Variants in MALRD1 observed in about 807,000 individuals in gnomAD.
The protein encoded by MALRD1 is MAM and LDL-receptor class A domain-containing protein 1.
MALRD1 carries 247 observed loss-of-function variants against 242.1 expected under a neutral mutation model. The ratio of observed to expected loss-of-function variants is 1.02; its 90% CI spans 0.92 to 1.13. MALRD1 has a LOEUF of 1.13. Ranked by LOEUF, MALRD1 falls within the 50% of genes most tolerant of loss-of-function variation. The pLI is 0.00. For missense variants in MALRD1, 2,989 were observed against 2,533.1 expected, an observed-to-expected ratio of 1.18 and a Z score of -3.86; for synonymous variants, 995 against 866.6, an observed-to-expected ratio of 1.15 and a Z score of -2.60.
chr10:19,149,480 G>C (rs761833488), intron 11 of MALRD1, among the ~76,000 whole-genome samples: 1 of 151,836 alleles, frequency 6.6e-6, no homozygotes, highest in Non-Finnish European at 1.5e-5. Context: ...TGTTAATTAT[G>C]TTCCACTTTT....
chr10:19,291,273 G>A (rs1393569962), intron 21 of MALRD1: 2 of 152,116 alleles, frequency 1.3e-5, no homozygotes, highest in Non-Finnish European at 1.5e-5. Context: ...TTCTAACTCT[G>A]CTCATAGAAC....
At chr10:19,241,695 A>G (rs900290617) in intron 18 of MALRD1, among the ~76,000 whole-genome samples, 20 of 152,108 alleles carry the variant, frequency 1.3e-4, no homozygotes, top group African/African-American at 3.9e-4. Context: ...TTTTATTGCT[A>G]TAAATTTCCC....
intron 36 of MALRD1, among the ~76,000 whole-genome samples, chr10:19,629,652 A>G (rs1839821597): frequency 6.6e-6 from 1 of 152,154 alleles, no homozygotes; most frequent in Non-Finnish European, 1.5e-5. Context: ...ATGTGTGTGC[A>G]TGTGGCCAAC....
rs1352940630 is a variant in MALRD1 at position 19,205,241 on chromosome 10, G to C, written c.2554G>C (p.Asp852His). The change falls in exon 17 of 40, where the codon GAT (aspartate) becomes CAT (histidine). Residue 852 changes from aspartate (D) to histidine (H), a missense_variant. By Grantham distance (81) the Asp-to-His change is moderately conservative. Transcript: ENST00000454679. ...RLCDLVDDCG[D>H]RTDEVNCAPE... ...ATGTGATCTGGTGGATGACTGTGGTGATCGTACTGATGAAGTCAACTGTGG... is the reference window on the plus strand; with the variant it reads ...ATGTGATCTGGTGGATGACTGTGGTCATCGTACTGATGAAGTCAACTGTGG... 1.9e-6 allele frequency: 3 copies of C among 1,550,296 alleles called. No individual in the cohort carries two copies.
chr10:19,278,740 A>C (rs1840659556), intron 19 of MALRD1, among the ~76,000 whole-genome samples: 1 of 152,202 alleles, frequency 6.6e-6, no homozygotes. Context: ...TGTTCTGTGC[A>C]AAAAATGCAC....
chr10:19,709,595 G>A (rs970502621), intron 38 of MALRD1, among the ~76,000 whole-genome samples: 2 of 152,076 alleles, frequency 1.3e-5, no homozygotes, highest in Non-Finnish European at 2.9e-5. Context: ...GATTTAAATA[G>A]AATATTGAGC....
intron 11 of MALRD1, among the ~76,000 whole-genome samples, chr10:19,147,790 C>A (rs2131444383): frequency 6.6e-6 from 1 of 152,094 alleles, no homozygotes; most frequent in Admixed American, 6.5e-5. Flanking sequence ...CTGAAATGAG[C>A]AGTGAAGGGA....
chr10:19,097,708 T>C (rs1327032343), intron 4 of MALRD1, among the ~76,000 whole-genome samples: 1 of 152,220 alleles, frequency 6.6e-6, no homozygotes, highest in Non-Finnish European at 1.5e-5. Flanking sequence ...AGATGTTTAC[T>C]GTTAAGGGAC....
At chr10:19,107,562 G>A (rs1836511299) in intron 5 of MALRD1, among the ~76,000 whole-genome samples, 1 of 131,232 alleles carries the variant, frequency 7.6e-6, no homozygotes, top group African/African-American at 3.1e-5. Context: ...CATATAATTT[G>A]GTCTTTTTTT....
Position 19,205,169 on chromosome 10 carries a change from C to T in MALRD1, c.2482C>T (p.His828Tyr). The T allele has an allele frequency of 6.4e-7, 1 of 1,550,940 alleles. No individual in the cohort carries two copies. The highest frequency in any genetic ancestry group is 8.7e-7 in the Non-Finnish European group (1 of 1,147,058). ...LPAESCEGLD[H>Y]FWCRHTRACI... ...TGCTGAGAGCTGTGAAGGGCTGGAT[C>T]ATTTCTGGTGTCGCCACACCAGGGC... The change falls in exon 17 of 40, where the codon CAT becomes TAT. Residue 828 changes from histidine (H) to tyrosine (Y), a missense_variant. His to Tyr is a moderately conservative substitution (Grantham distance 83). Transcript: ENST00000454679.
At chr10:19,109,893 C>T (rs138181644) in intron 5 of MALRD1, among the ~76,000 whole-genome samples, 2 of 152,322 alleles carry the variant, frequency 1.3e-5, no homozygotes, top group East Asian at 3.9e-4. Flanking sequence ...CTGCAGAGTT[C>T]TGTAGCATCA....
At chr10:19,451,366 C>T (rs1300163851) in intron 29 of MALRD1, among the ~76,000 whole-genome samples, 1 of 151,984 alleles carries the variant, frequency 6.6e-6, no homozygotes, top group Admixed American at 6.6e-5. Context: ...AAAAAAGTAC[C>T]GCCATTTATC....
intron 11 of MALRD1, among the ~76,000 whole-genome samples, chr10:19,147,943 G>A (rs964204953): frequency 2.6e-5 from 4 of 152,150 alleles, no homozygotes; most frequent in East Asian, 3.9e-4. Flanking sequence ...GATGAAAGAC[G>A]TGTGTGATTG....
At chr10:19,367,430 G>A (rs1425950311) in intron 26 of MALRD1, among the ~76,000 whole-genome samples, 7 of 152,058 alleles carry the variant, frequency 4.6e-5, no homozygotes, top group African/African-American at 2.4e-5. Context: ...CCATGTTGCT[G>A]CTCACGATGG....
At chr10:19,432,786 T>C (rs1291509141) in intron 28 of MALRD1, among the ~76,000 whole-genome samples, 3 of 152,234 alleles carry the variant, frequency 2.0e-5, no homozygotes, top group African/African-American at 4.8e-5. Context: ...TCACTAAATA[T>C]TGCTTTTCTG....
At chr10:19,445,654 G>C (rs138545737) in intron 28 of MALRD1, among the ~76,000 whole-genome samples, 1 of 152,176 alleles carries the variant, frequency 6.6e-6, no homozygotes, top group African/African-American at 2.4e-5. Flanking sequence ...CTGCCTGATC[G>C]TTCCTCTGGA....
chr10:19,373,578 G>A (rs979246169), intron 26 of MALRD1, among the ~76,000 whole-genome samples: 4 of 151,772 alleles, frequency 2.6e-5, no homozygotes, highest in Admixed American at 2.6e-4. Flanking sequence ...GAGAGAGGGA[G>A]GGATGGAAGA....
At chr10:19,415,354 A>C (rs888329203) in intron 28 of MALRD1, among the ~76,000 whole-genome samples, 7 of 152,210 alleles carry the variant, frequency 4.6e-5, no homozygotes, top group Admixed American at 2.6e-4. Flanking sequence ...AAAATAGTTA[A>C]TGATACTGTG....
At chr10:19,211,293 A>G (rs1837049957) in intron 18 of MALRD1, among the ~76,000 whole-genome samples, 1 of 152,084 alleles carries the variant, frequency 6.6e-6, no homozygotes, top group Admixed American at 6.6e-5. Context: ...GTTCTGATTG[A>G]TTTTTATCTA....
Sources: gnomAD v4.1 joint callset for allele counts (sites outside exome capture counted in the v4.1 genomes callset) on GRCh38, gnomAD v4.1.1 for gene constraint, MANE v1.5 for transcripts, NCBI Gene and HGNC (gene_info 2026-07-23, HGNC 2026-07-21) for gene names.